The following ZNF454 variants were observed in gnomAD, a reference collection of about 807,000 sequenced individuals.
ZNF454 encodes the protein zinc finger protein 454.
A neutral mutation model predicts 48.2 loss-of-function variants in ZNF454; 30 were observed. That is an observed-to-expected ratio of 0.62 (90% CI 0.47 to 0.84). The LOEUF (loss-of-function observed/expected upper bound fraction) is 0.84, where lower values mean the gene tolerates loss of function less well. Ranked by LOEUF, ZNF454 falls within the 40% of genes least tolerant of loss-of-function variation. The probability of loss-of-function intolerance (pLI) is 0.00; values close to 1 mark genes in which losing one functional copy is unlikely to be tolerated. For synonymous variants in ZNF454, 204 were observed against 211.4 expected, an observed-to-expected ratio of 0.97 and a Z score of 0.30; for missense variants, 510 against 623.1, an observed-to-expected ratio of 0.82 and a Z score of 1.93.
In ZNF454 at chr5:178,944,853, A is replaced by G. The variant is rs775872939; in HGVS notation, c.34-1506A>G. Among the ~76,000 whole-genome samples, 5 of 152,104 alleles carry G rather than the reference A, an allele frequency of 3.3e-5. No homozygotes were observed. Among genetic ancestry groups the G allele is most frequent in the African/African-American group, 4.8e-5 (2 of 41,416 alleles). On this transcript the variant is annotated intron_variant, in intron 2 of 4. Coordinates refer to ENST00000519564, the MANE Select transcript of ZNF454 (RefSeq NM_001178089.3). This position sits in a 1 kb window ranked among gnomAD's most constrained non-coding sequence, Gnocchi z 4.1. ...TGATAGCTACTGGATTTTACATGCT[A>G]GGTTAGGTTTCGGCTACACCTGTGT... is the stretch of plus-strand genomic sequence containing the variant.
rs1759247945 is a variant in ZNF454, at chr5:178,944,866, G to A, written c.34-1493G>A. Among the ~76,000 whole-genome samples the A allele has an allele frequency of 6.6e-6, 1 of 152,192 alleles. No homozygotes were observed. Among genetic ancestry groups the A allele is most frequent in the Non-Finnish European group, 1.5e-5 (1 of 68,040 alleles). Reference sequence around the variant, plus strand: ...ATTTTACATGCTAGGTTAGGTTTCGGCTACACCTGTGTGTCAGGACAGAGA... The same window carrying A: ...ATTTTACATGCTAGGTTAGGTTTCGACTACACCTGTGTGTCAGGACAGAGA... On this transcript the variant is annotated intron_variant, in intron 2 of 4. Coordinates refer to ENST00000519564, the MANE Select transcript of ZNF454 (RefSeq NM_001178089.3). The surrounding 1 kb of genome is among the most constrained non-coding windows in gnomAD (Gnocchi z 4.1).
Position 178,963,614 on chromosome 5 carries a change from C to T in ZNF454, c.251-1041C>T, listed in dbSNP as rs139539604. Among the ~76,000 whole-genome samples the T allele has an allele frequency of 5.4e-4, 82 of 151,816 alleles. 1 individual carries two copies. Among genetic ancestry groups the T allele is most frequent in the Admixed American group, 1.3e-3 (19 of 15,126 alleles). ...CTTAGTTTTACATTTTAGGCCCTCT[C>T]CTGTTTGCCCTGAGAATACTTGCCG... On this transcript the variant is annotated intron_variant, in intron 4 of 4. Transcript: ENST00000519564.
the ZNF454 span, chr5:178,985,505 C>G: frequency 4.4e-5 from 15 of 338,784 alleles, no homozygotes; most frequent in African/African-American, 1.1e-4. Context: ...AGATCGAGAC[C>G]ATCCTGGCTA....
chr5:178,951,880 A>G (rs1048103121), intron 4 of ZNF454, among the ~76,000 whole-genome samples: 1 of 152,176 alleles, frequency 6.6e-6, no homozygotes, highest in Non-Finnish European at 1.5e-5. Flanking sequence ...AGTTGTTCCA[A>G]ATTATACTAA....
the ZNF454 span, chr5:178,975,638 A>G: frequency 2.7e-6 from 1 of 370,264 alleles, no homozygotes; most frequent in Non-Finnish European, 5.7e-6. Flanking sequence ...AGTAAATTAA[A>G]GTCCTTGATT....
chr5:178,949,431 A>AT lies in ZNF454; in HGVS notation c.250+2450dup, dbSNP rs1230472177. 4.6e-5 allele frequency among the ~76,000 whole-genome samples: 7 copies of AT among 152,094 alleles called. No individual in the cohort carries two copies. The South Asian group carries it at 1.5e-3, about 32-fold the overall frequency. On this transcript the variant is annotated intron_variant, in intron 4 of 4. Coordinates refer to ENST00000519564, the MANE Select transcript of ZNF454 (RefSeq NM_001178089.3). ...TACCTCAGCCTCCTAATAAGGTTAT[A>AT]TTTTTAAAAAATAGATCTATTTTGT...
intron 4 of ZNF454, among the ~76,000 whole-genome samples, chr5:178,951,651 C>A (rs1759561224): frequency 6.6e-6 from 1 of 152,156 alleles, no homozygotes; most frequent in Admixed American, 6.6e-5. Context: ...AGTGATATAC[C>A]TTACTTTATC....
chr5:178,986,116 G>GC, the ZNF454 span: 1 of 1,610,862 alleles, frequency 6.2e-7, no homozygotes, highest in South Asian at 1.1e-5. Flanking sequence ...GCCCTTGGGA[G>GC]CCTACGGACC....
chr5:178,981,700 A>T, the ZNF454 span: 1 of 1,614,012 alleles, frequency 6.2e-7, no homozygotes, highest in South Asian at 1.1e-5. This position sits in a 1 kb window ranked among gnomAD's most constrained non-coding sequence, Gnocchi z 5.1. Flanking sequence ...TGGGGCTGCC[A>T]CCGTGGAGGT....
At chr5:178,981,293 G>A in the ZNF454 span, 1 of 270,924 alleles carries the variant, frequency 3.7e-6, no homozygotes, top group Non-Finnish European at 7.2e-6. The surrounding 1 kb of genome is among the most constrained non-coding windows in gnomAD (Gnocchi z 5.1). Flanking sequence ...AGGTTATGGG[G>A]GTTGACTGAG....
chr5:178,959,020 C>T (rs374381335), intron 4 of ZNF454, among the ~76,000 whole-genome samples: 1 of 149,172 alleles, frequency 6.7e-6, no homozygotes. Context: ...CATCAGAGGT[C>T]TTTTTTTTTT....
the ZNF454 span, chr5:178,987,574 G>T: frequency 1.0e-5 from 4 of 400,610 alleles, no homozygotes; most frequent in Non-Finnish European, 2.0e-5. Flanking sequence ...CGCAAATACC[G>T]TCTGATGCCA....
chr5:178,971,630 C>T, the ZNF454 span, among the ~76,000 whole-genome samples: 31,112 of 149,986 alleles, frequency 0.21, 4,005 homozygotes, highest in Non-Finnish European at 0.28. Context: ...GGGCAGATCA[C>T]GAGGTCAGGA....
At chr5:178,969,796 G>A, downstream of ZNF454, 2 of 379,120 alleles carry the variant, frequency 5.3e-6, no homozygotes, top group South Asian at 3.9e-5. Flanking sequence ...GAAGGGAATT[G>A]GCATCTAGAC....
intron 4 of ZNF454, among the ~76,000 whole-genome samples, chr5:178,960,683 T>C (rs72816658): frequency 6.6e-6 from 1 of 151,904 alleles, no homozygotes; most frequent in Non-Finnish European, 1.5e-5. Flanking sequence ...TTTTTAAAGT[T>C]ATGTTGTGTG....
chr5:178,973,613 G>A, the ZNF454 span, among the ~76,000 whole-genome samples: 1 of 152,274 alleles, frequency 6.6e-6, no homozygotes, highest in Admixed American at 6.5e-5. Context: ...GGAGGCCGAA[G>A]CGGGCGGATC....
At chr5:178,985,252 A>G in the ZNF454 span, 1 of 456,504 alleles carries the variant, frequency 2.2e-6, no homozygotes, top group Admixed American at 2.4e-5. Context: ...ATTTTGGTTT[A>G]GAAAATAACT....
At position 178,944,909 on chromosome 5, in the gene ZNF454, C is replaced by T. The variant is rs1759249893; in HGVS notation, c.34-1450C>T. On this transcript the variant is annotated intron_variant, in intron 2 of 4. Transcript: ENST00000519564. The surrounding 1 kb of genome is among the most constrained non-coding windows in gnomAD (Gnocchi z 4.1). ...GACAGAGAGACTTTCCTCTGTGACC[C>T]CCTCTCAGAGTTTCTAAGAAAGGGA... 6.6e-6 allele frequency among the ~76,000 whole-genome samples: 1 copy of T among 152,192 alleles called. No individual in the cohort carries two copies. The highest frequency in any genetic ancestry group is 6.6e-5 in the Admixed American group (1 of 15,258).
intron 2 of ZNF454, among the ~76,000 whole-genome samples, chr5:178,943,271 C>T (rs891270310): frequency 4.6e-5 from 7 of 152,168 alleles, no homozygotes; most frequent in Non-Finnish European, 8.8e-5. Flanking sequence ...ACTTTAAAAG[C>T]TTCCAATCAT....
Sources: gnomAD v4.1 joint callset for allele counts (sites outside exome capture counted in the v4.1 genomes callset) on GRCh38, gnomAD v4.1.1 for gene constraint, Gnocchi (gnomAD v3.1) non-coding constraint, MANE v1.5 for transcripts, NCBI Gene and HGNC (gene_info 2026-07-23, HGNC 2026-07-21) for gene names.